The following PARP2 variants were observed in gnomAD, a reference collection of about 807,000 sequenced individuals.
The protein encoded by PARP2 is poly(ADP-ribose) polymerase 2.
Under a neutral mutation model 77.8 loss-of-function variants are expected in PARP2, and 57 were observed. The observed-to-expected ratio is 0.73, with a 90% CI of 0.59 to 0.91. The LOEUF (loss-of-function observed/expected upper bound fraction) is 0.91, where lower values mean the gene tolerates loss of function less well. Among genes scored for constraint, PARP2 ranks in the 40% least tolerant of loss-of-function variants. PARP2 has a pLI of 0.00. For missense variants in PARP2, 651 were observed against 689.0 expected (o/e 0.94, Z 0.62); for synonymous variants, 226 against 242.6 (o/e 0.93, Z 0.64).
chr14:20,352,855 T>C (rs1884008677), intron 7 of PARP2: 1 of 150,650 alleles, frequency 6.6e-6, no homozygotes, highest in African/African-American at 2.5e-5. Flanking sequence ...CTTTCTAGTC[T>C]TGGCTCTGTT....
intron 4 of PARP2, 81 bp downstream of exon 4, chr14:20,346,994 C>G: frequency 1.2e-6 from 1 of 823,104 alleles, no homozygotes; most frequent in Non-Finnish European, 2.0e-6. Context: ...TCACAGTGTT[C>G]AGATCTTTAA....
At chr14:20,353,220 G>A (rs940369711) in intron 7 of PARP2, among the ~76,000 whole-genome samples, 3 of 139,102 alleles carry the variant, frequency 2.2e-5, no homozygotes, top group Non-Finnish European at 3.3e-5. Flanking sequence ...ATTTCCAGAC[G>A]TTTATTGTTT....
chr14:20,347,393 TATATA>T (rs1258604030), intron 4 of PARP2, among the ~76,000 whole-genome samples: 17 of 18,790 alleles, frequency 9.0e-4, no homozygotes, highest in African/African-American at 2.9e-3. Flanking sequence ...TATATATATA[TATATA>T]TTTTTTTTTT....
At chr14:20,344,822 A>C in intron 1 of PARP2, 110 bp from the exon 2 acceptor site, 1 of 824,688 alleles carries the variant, frequency 1.2e-6, no homozygotes, top group Non-Finnish European at 2.0e-6. Context: ...CAAAACAAAA[A>C]AAGAGAGAAA....
Position 20,343,640 on chromosome 14 carries a change from C to T in PARP2, c.-2C>T. ...GGTTGATGACGTCAGCGTTCGAATT[C>T]CATGGCGGCGCGGCGGCGACGGAGC... On this transcript the variant is annotated 5_prime_UTR_variant, in exon 1 of 16. Coordinates refer to ENST00000429687, the MANE Select transcript of PARP2 (RefSeq NM_001042618.2). 6.2e-7 allele frequency: 1 copy of T among 1,610,024 alleles called. No homozygotes were observed. The highest frequency in any genetic ancestry group is 8.5e-7 in the Non-Finnish European group (1 of 1,178,894).
chr14:20,357,114 C>T lies in PARP2; in HGVS notation c.1393C>T (p.Arg465Cys), dbSNP rs765921135. 3.1e-6 allele frequency: 5 copies of T among 1,612,466 alleles called. No homozygotes were observed. The highest frequency in any genetic ancestry group is 1.3e-5 in the African/African-American group (1 of 74,992). ...SKSANYCFAS[R>C]LKNTGLLLLS... ...GAGTGCCAATTACTGCTTTGCCTCT[C>T]GCCTAAAGAATACAGGACTGCTGCT... The change falls in exon 14 of 16, where the codon CGC (arginine) becomes TGC (cysteine). Residue 465 changes from arginine (R) to cysteine (C), a missense_variant. Arg to Cys is a radical substitution (Grantham distance 180, BLOSUM62 -3). Coordinates refer to ENST00000429687, the MANE Select transcript of PARP2 (RefSeq NM_001042618.2).
chr14:20,348,089 G>T (rs1220091704), intron 4 of PARP2, among the ~76,000 whole-genome samples: 3 of 152,016 alleles, frequency 2.0e-5, no homozygotes, highest in African/African-American at 4.8e-5. Context: ...TGGATAGGTG[G>T]TCTTGAATTC....
chr14:20,349,441 G>A (rs1219077727), intron 4 of PARP2, among the ~76,000 whole-genome samples: 3 of 152,134 alleles, frequency 2.0e-5, no homozygotes, highest in Admixed American at 6.5e-5. Flanking sequence ...AGGCCAAGGC[G>A]GGCAGATCAC....
At chr14:20,354,420 G>A (rs893446578) in intron 8 of PARP2, among the ~76,000 whole-genome samples, 173 bp downstream of exon 8, 1 of 152,222 alleles carries the variant, frequency 6.6e-6, no homozygotes, top group African/African-American at 2.4e-5. Context: ...GTTGAGGCTG[G>A]GTGTGATGGG....
chr14:20,352,376 A>T, intron 7 of PARP2, 29 bp downstream of exon 7: 1 of 1,351,556 alleles, frequency 7.4e-7, no homozygotes, highest in Non-Finnish European at 1.1e-6. Flanking sequence ...TTCGAAAGAA[A>T]CACATCTTCT....
At chr14:20,345,304 G>A in intron 2 of PARP2, 90 bp from the exon 3 acceptor site, 1 of 1,222,974 alleles carries the variant, frequency 8.2e-7, no homozygotes. Context: ...GGATTGGTTG[G>A]GCGGGCAAAG....
intron 4 of PARP2, among the ~76,000 whole-genome samples, chr14:20,348,860 A>G (rs1883860324): frequency 6.6e-6 from 1 of 152,038 alleles, no homozygotes; most frequent in Non-Finnish European, 1.5e-5. Context: ...TCTCTACTAA[A>G]AATACAAAAT....
chr14:20,343,671 C>G lies in PARP2; in HGVS notation c.30C>G (p.Gly10=), dbSNP rs1883596370. The G allele has an allele frequency of 2.5e-6, 4 of 1,610,222 alleles. No homozygotes were observed. The highest frequency in any genetic ancestry group is 1.7e-5 in the Admixed American group (1 of 59,540). ...CGGCGCGGCGGCGACGGAGCACCGG[C>G]GGCGGCAGGGCGAGAGGTTCGGAGC... MAARRRRST[G]GGRARALNES... is the part of the protein sequence containing the mutation. Residue 10 remains glycine, a synonymous_variant, in exon 1 of 16, where the codon GGC becomes GGG. Coordinates refer to ENST00000429687, the MANE Select transcript of PARP2 (RefSeq NM_001042618.2).
intron 4 of PARP2, among the ~76,000 whole-genome samples, chr14:20,349,930 A>G (rs1883897883): frequency 6.6e-6 from 1 of 152,110 alleles, no homozygotes; most frequent in Non-Finnish European, 1.5e-5. Context: ...CTTTTTAGAT[A>G]CTGGCCATAT....
rs1189262397 is a variant in PARP2, at chr14:20,344,970, G to A, written c.85G>A (p.Ala29Thr). 6.2e-7 allele frequency: 1 copy of A among 1,614,008 alleles called. No homozygotes were observed. The highest frequency in any genetic ancestry group is 8.5e-7 in the Non-Finnish European group (1 of 1,179,954). The change falls in exon 2 of 16, where the codon GCT becomes ACT. Residue 29 changes from alanine (A) to threonine (T), a missense_variant. Physicochemically the swap from Ala to Thr is moderately conservative, Grantham distance 58. Transcript: ENST00000429687. ...ESKRVNNGNT[A>T]PEDSSPAKKT... Reference sequence around the variant, plus strand: ...CAAAAGAGTTAATAATGGCAACACGGCTCCAGAAGACTCTTCCCCTGCCAA... The same window carrying A: ...CAAAAGAGTTAATAATGGCAACACGACTCCAGAAGACTCTTCCCCTGCCAA...
At chr14:20,351,210 CT>C (rs1883943065) in intron 6 of PARP2, 88 bp downstream of exon 6, 1 of 859,226 alleles carries the variant, frequency 1.2e-6, no homozygotes, top group African/African-American at 1.7e-5. Flanking sequence ...GACAGTTTCA[CT>C]CTTGTTGCCC....
At chr14:20,356,553 A>G (rs768970838) in intron 12 of PARP2, 37 bp from the exon 13 acceptor site, 1 of 1,596,716 alleles carries the variant, frequency 6.3e-7, no homozygotes. Context: ...CTATCTGTGC[A>G]GAACAACAGA....
At chr14:20,354,741 A>C in intron 8 of PARP2, 68 bp from the exon 9 acceptor site, 1 of 1,417,590 alleles carries the variant, frequency 7.1e-7, no homozygotes, top group South Asian at 1.3e-5. Context: ...TTTTTTAGGG[A>C]AGGATGTTAA....
At position 20,356,307 on chromosome 14, in the gene PARP2, G is replaced by T. The variant is rs903162076; in HGVS notation, c.1102G>T (p.Val368Leu). ...AGCCTTTTTGTCTTATTTTTCACAGGTGATTTCCCAGTACCTACAATCTAC... is the reference window on the plus strand; with the variant it reads ...AGCCTTTTTGTCTTATTTTTCACAGTTGATTTCCCAGTACCTACAATCTAC... ...PLDHESYEFK[V>L]ISQYLQSTHA... is the part of the protein sequence containing the mutation. The change falls in exon 12 of 16, where the codon GTG (valine) becomes TTG (leucine). Residue 368 changes from valine to leucine, a missense_variant and splice_region_variant. Val to Leu is a conservative substitution (Grantham distance 32). Transcript: ENST00000429687. The T allele has an allele frequency of 5.6e-6, 9 of 1,613,808 alleles. No individual in the cohort carries two copies. The African/African-American group carries it at 6.7e-5, about 12-fold the overall frequency.
Sources: allele counts gnomAD v4.1 joint callset (sites outside exome capture counted in the v4.1 genomes callset), GRCh38; gene constraint gnomAD v4.1.1; transcripts MANE v1.5; gene names NCBI Gene and HGNC (gene_info 2026-07-23, HGNC 2026-07-21).